PLA2R1: variants seen among roughly 807,000 people sequenced by gnomAD.
The protein encoded by PLA2R1 is phospholipase A2 receptor 1.
PLA2R1 carries 158 observed loss-of-function variants against 195.9 expected under a neutral mutation model. The observed-to-expected ratio is 0.81, with a 90% CI of 0.71 to 0.92. The LOEUF (loss-of-function observed/expected upper bound fraction) is 0.92, where lower values mean the gene tolerates loss of function less well. Ranked by LOEUF, PLA2R1 falls within the 40% of genes least tolerant of loss-of-function variation. The pLI, the probability that PLA2R1 is intolerant of heterozygous loss-of-function variation, is 0.00. For synonymous variants in PLA2R1, 586 were observed against 598.2 expected, an observed-to-expected ratio of 0.98 and a Z score of 0.30; for missense variants, 1,626 against 1,764.6, an observed-to-expected ratio of 0.92 and a Z score of 1.41.
chr2:159,956,638 A>T lies in PLA2R1; in HGVS notation c.2905-11T>A, dbSNP rs1298448699. 4.1e-6 allele frequency: 6 copies of T among 1,470,860 alleles called. No homozygotes were observed. The highest frequency in any genetic ancestry group is 5.7e-6 in the Non-Finnish European group (6 of 1,049,228). 91.1% of individuals were successfully genotyped at this position (1,470,860 alleles called of 1,614,324 possible). A position where few individuals can be genotyped will look rare whatever the true frequency, so the allele number is the denominator to read the frequency against. ...ATTCAGCAGAAGGCACTATCAAAAA[A>T]TGTCAAAACAAAACATTCATTTCTG... On this transcript the variant is annotated splice_polypyrimidine_tract_variant and intron_variant, in intron 20 of 29. Coordinates refer to ENST00000283243, the MANE Select transcript of PLA2R1 (RefSeq NM_007366.5).
chr2:159,943,560 G>C (rs1219286325), intron 28 of PLA2R1, among the ~76,000 whole-genome samples: 1 of 152,148 alleles, frequency 6.6e-6, no homozygotes, highest in East Asian at 1.9e-4. Context: ...AGAAAACTTA[G>C]AGTTTTCTCT....
At chr2:160,028,620 A>C (rs1693666963) in intron 5 of PLA2R1, among the ~76,000 whole-genome samples, 1 of 152,200 alleles carries the variant, frequency 6.6e-6, no homozygotes, top group South Asian at 2.1e-4. Flanking sequence ...AAAACAGCAG[A>C]CTGGAATCTT....
intron 28 of PLA2R1, 64 bp from the exon 29 acceptor site, chr2:159,942,223 C>T (rs1687125488): frequency 2.4e-6 from 3 of 1,269,320 alleles, no homozygotes; most frequent in South Asian, 2.4e-5. Flanking sequence ...TATGTCATTA[C>T]TTACTCAGGG....
At chr2:160,039,029 G>T (rs547392120) in intron 3 of PLA2R1, among the ~76,000 whole-genome samples, 3 of 152,092 alleles carry the variant, frequency 2.0e-5, no homozygotes, top group Non-Finnish European at 2.9e-5. Flanking sequence ...ACCACACCCA[G>T]CTAATTTTGT....
In PLA2R1 at chr2:159,951,355, T is replaced by C; in HGVS notation, c.3525A>G (p.Gly1175=). 6.2e-7 allele frequency: 1 copy of C among 1,601,616 alleles called. No individual in the cohort carries two copies. The highest frequency in any genetic ancestry group is 8.6e-7 in the Non-Finnish European group (1 of 1,168,626). Residue 1175 remains glycine, a synonymous_variant, in exon 24 of 30, where the codon GGA becomes GGG. Transcript: ENST00000283243. The part of the protein sequence containing the change: ...LNRLGYAHWI[G]LFTTDNGLNF... ...GGATACCTACATCTGTGGTGAACAG[T>C]CCAATCCAGTGGGCATATCCTAGCC... is the stretch of plus-strand genomic sequence containing the variant.
Position 159,936,509 on chromosome 2 carries a change from TTC to T in PLA2R1, c.*5267_*5268del, listed in dbSNP as rs1197885953. 5 of 152,156 alleles carry T rather than the reference TTC, an allele frequency of 3.3e-5. No homozygotes were observed. Among genetic ancestry groups the T allele is most frequent in the Admixed American group, 6.5e-5 (1 of 15,278 alleles). The allele number at this position is 152,156 out of a possible 1,614,324, so 9.4% of individuals were successfully genotyped here. On this transcript the variant is annotated 3_prime_UTR_variant, in exon 30 of 30. Coordinates refer to ENST00000283243, the MANE Select transcript of PLA2R1 (RefSeq NM_007366.5). ...AAATCAAGGTTCAGCATCAATTCTG[TTC>T]TCTCTCTTCTTTTTTTGTAGCTATA... is the stretch of plus-strand genomic sequence containing the variant.
intron 3 of PLA2R1, among the ~76,000 whole-genome samples, chr2:160,039,369 G>A: frequency 6.6e-6 from 1 of 152,110 alleles, no homozygotes; most frequent in Admixed American, 6.5e-5. Flanking sequence ...AGAGATTCCT[G>A]TGTGTCATCC....
At position 159,951,489 on chromosome 2, in the gene PLA2R1, C is replaced by T; in HGVS notation, c.3391G>A (p.Ala1131Thr). ...ATTGCTGCATACCAAGTCATATTTG[C>T]ATTAATTATTTTGTAAGTTCTGTTT... The part of the protein sequence containing the change: ...YGNRTYKIIN[A>T]NMTWYAAIKT... The change falls in exon 24 of 30, where the codon GCA becomes ACA. Residue 1131 changes from alanine (A) to threonine (T), a missense_variant. By Grantham distance (58) the Ala-to-Thr change is moderately conservative. Coordinates refer to ENST00000283243, the MANE Select transcript of PLA2R1 (RefSeq NM_007366.5). 1.2e-6 allele frequency: 2 copies of T among 1,610,358 alleles called. No homozygotes were observed. The highest frequency in any genetic ancestry group is 8.5e-7 in the Non-Finnish European group (1 of 1,176,500).
intron 12 of PLA2R1, 146 bp from the exon 13 acceptor site, chr2:159,984,219 G>T: frequency 2.1e-6 from 1 of 478,980 alleles, no homozygotes; most frequent in Non-Finnish European, 3.7e-6. Flanking sequence ...AATATTTACT[G>T]AATTAGAATG....
intron 20 of PLA2R1, among the ~76,000 whole-genome samples, chr2:159,963,240 C>CA (rs1166912899): frequency 6.6e-6 from 1 of 152,122 alleles, no homozygotes; most frequent in Non-Finnish European, 1.5e-5. Context: ...GGAGTGAATT[C>CA]AAAATGTATC....
chr2:159,957,342 GTTTCT>G (rs972262186), intron 20 of PLA2R1, among the ~76,000 whole-genome samples: 4 of 152,078 alleles, frequency 2.6e-5, no homozygotes, highest in African/African-American at 4.8e-5. Flanking sequence ...CATGGCAGAG[GTTTCT>G]TTTCTTTTCT....
At chr2:159,997,161 T>C (rs1007609128) in intron 11 of PLA2R1, among the ~76,000 whole-genome samples, 2 of 152,140 alleles carry the variant, frequency 1.3e-5, no homozygotes, top group African/African-American at 4.8e-5. Context: ...TGTGATGGAA[T>C]GGTAAGGTGT....
In PLA2R1 at chr2:159,956,636, A is replaced by C. The variant is rs752356024; in HGVS notation, c.2905-9T>G. 1 of 1,495,232 alleles carries C rather than the reference A, an allele frequency of 6.7e-7. No individual in the cohort carries two copies. Among genetic ancestry groups the C allele is most frequent in the South Asian group, 1.1e-5 (1 of 88,728 alleles). 92.6% of individuals were successfully genotyped at this position (1,495,232 alleles called of 1,614,324 possible). On this transcript the variant is annotated splice_polypyrimidine_tract_variant and intron_variant, in intron 20 of 29. Transcript: ENST00000283243. The stretch of plus-strand genomic sequence containing the variant: ...ATATTCAGCAGAAGGCACTATCAAA[A>C]AATGTCAAAACAAAACATTCATTTC...
intron 14 of PLA2R1, among the ~76,000 whole-genome samples, chr2:159,979,265 T>C (rs1689781849): frequency 6.6e-6 from 1 of 152,130 alleles, no homozygotes; most frequent in African/African-American, 2.4e-5. Flanking sequence ...TGGAAAAAAA[T>C]ACAATAGTGA....
At chr2:160,037,963 G>A (rs1034877399) in intron 3 of PLA2R1, among the ~76,000 whole-genome samples, 8 of 152,162 alleles carry the variant, frequency 5.3e-5, no homozygotes, top group Middle Eastern at 3.4e-3. Context: ...TCACATTCAC[G>A]GTTATAACCC....
intron 17 of PLA2R1, among the ~76,000 whole-genome samples, chr2:159,973,746 C>T (rs748001312): frequency 3.3e-5 from 5 of 152,114 alleles, no homozygotes; most frequent in Admixed American, 6.6e-5. Flanking sequence ...TATTCAAATC[C>T]TATACCTTCC....
At position 160,022,748 on chromosome 2, in the gene PLA2R1, C is replaced by T. The variant is rs33985939; in HGVS notation, c.1211G>A (p.Arg404His). The change falls in exon 7 of 30, where the codon CGT becomes CAT. Residue 404 changes from arginine to histidine, a missense_variant. Transcript: ENST00000283243. ...KEEKTWHEAL[R>H]SCQADNSALI... ...TGCACTGTTATCAGCCTGACAAGAA[C>T]GCAGAGCCTCATGCCAGGTCTTTTC... The T allele has an allele frequency of 0.078, 125,846 of 1,612,538 alleles. 5,564 individuals are homozygous for T. The highest frequency in any genetic ancestry group is 0.086 in the Non-Finnish European group (101,953 of 1,178,654).
At position 159,935,507 on chromosome 2, in the gene PLA2R1, G is replaced by C. The variant is rs928161150; in HGVS notation, c.*6271C>G. ...ATGGACACACAGATATTTATTGTGT[G>C]GGTTATAATCCAATATTATAATTTT... is the stretch of plus-strand genomic sequence containing the variant. On this transcript the variant is annotated 3_prime_UTR_variant, in exon 30 of 30. Transcript: ENST00000283243. The C allele has an allele frequency of 6.6e-6, 1 of 152,158 alleles. No homozygotes were observed. Among genetic ancestry groups the C allele is most frequent in the Admixed American group, 6.5e-5 (1 of 15,282 alleles). The allele number at this position is 152,158 out of a possible 1,614,324, so 9.4% of individuals were successfully genotyped here.
chr2:160,026,362 T>C (rs1356042850), intron 6 of PLA2R1, among the ~76,000 whole-genome samples: 1 of 152,176 alleles, frequency 6.6e-6, no homozygotes, highest in Non-Finnish European at 1.5e-5. Context: ...AGTATGTGGG[T>C]AAGGTAGATA....
Sources: allele counts gnomAD v4.1 joint callset (sites outside exome capture counted in the v4.1 genomes callset), GRCh38; gene constraint gnomAD v4.1.1; transcripts MANE v1.5; gene names NCBI Gene and HGNC (gene_info 2026-07-23, HGNC 2026-07-21).